NAALADL2: variants seen among roughly 807,000 people sequenced by gnomAD.
NAALADL2 encodes the protein inactive N-acetylated-alpha-linked acidic dipeptidase-like protein 2.
Under a neutral mutation model 87.2 loss-of-function variants are expected in NAALADL2, and 76 were observed. The ratio of observed to expected loss-of-function variants is 0.87; its 90% CI spans 0.72 to 1.05. The LOEUF is 1.05. Among genes scored for constraint, NAALADL2 ranks in the 50% least tolerant of loss-of-function variants. The pLI is 0.00. For missense variants in NAALADL2, 1,089 were observed against 945.8 expected (o/e 1.15, Z -1.99); for synonymous variants, 354 against 331.0 (o/e 1.07, Z -0.75).
At chr3:175,174,758 A>G (rs1735431726) in intron 2 of NAALADL2, among the ~76,000 whole-genome samples, 1 of 150,720 alleles carries the variant, frequency 6.6e-6, no homozygotes, top group South Asian at 2.1e-4. Flanking sequence ...ATATAAACAT[A>G]TATGCTATTC....
intron 13 of NAALADL2, among the ~76,000 whole-genome samples, chr3:175,773,823 A>G (rs1413094759): frequency 6.6e-6 from 1 of 152,168 alleles, no homozygotes; most frequent in Non-Finnish European, 1.5e-5. Flanking sequence ...CTGATTGAAA[A>G]GCAATGAGTT....
chr3:175,296,212 C>T (rs1756358252), intron 4 of NAALADL2, among the ~76,000 whole-genome samples: 1 of 151,012 alleles, frequency 6.6e-6, no homozygotes, highest in South Asian at 2.1e-4. Flanking sequence ...GCCATAATGA[C>T]TAGGAGGTGC....
rs145982338 is a variant in NAALADL2, at chr3:175,237,702, G to A, written c.819+3498G>A. On this transcript the variant is annotated intron_variant, in intron 3 of 13. Coordinates refer to ENST00000454872, the MANE Select transcript of NAALADL2 (RefSeq NM_207015.3). ...ATAGAGGACACAAAAGAAGAAGCCG[G>A]TTTACTTAAAAACACTATATTTTAA... 2.3e-3 allele frequency among the ~76,000 whole-genome samples: 344 copies of A among 152,080 alleles called. 1 individual carries two copies. The highest frequency in any genetic ancestry group is 4.0e-3 in the Non-Finnish European group (273 of 67,964).
At chr3:175,236,296 CA>C (rs1202472012) in intron 3 of NAALADL2, among the ~76,000 whole-genome samples, 1 of 152,008 alleles carries the variant, frequency 6.6e-6, no homozygotes, top group Non-Finnish European at 1.5e-5. Flanking sequence ...GCCGTAATCC[CA>C]GCACATTGGA....
intron 5 of NAALADL2, among the ~76,000 whole-genome samples, chr3:175,342,998 G>A (rs1165090158): frequency 6.6e-6 from 1 of 151,986 alleles, no homozygotes; most frequent in Non-Finnish European, 1.5e-5. Context: ...AGTTTTAAAA[G>A]TTTAAAAACA....
intron 1 of NAALADL2, among the ~76,000 whole-genome samples, chr3:175,013,365 C>T (rs1262777563): frequency 8.4e-6 from 1 of 118,398 alleles, no homozygotes; most frequent in African/African-American, 3.4e-5. Flanking sequence ...GTGGTGTGAT[C>T]TCGGCTCATT....
chr3:174,929,581 A>G (rs1176388900), intron 1 of NAALADL2, among the ~76,000 whole-genome samples: 1 of 152,138 alleles, frequency 6.6e-6, no homozygotes, highest in African/African-American at 2.4e-5. Flanking sequence ...GATACATATT[A>G]TTATGAAAAT....
chr3:174,966,857 A>G (rs1011180799), intron 1 of NAALADL2, among the ~76,000 whole-genome samples: 2 of 152,150 alleles, frequency 1.3e-5, no homozygotes, highest in East Asian at 3.9e-4. Context: ...AGAAATTGAG[A>G]CGATCTGAAT....
chr3:175,441,425 GA>G (rs1215559902), intron 5 of NAALADL2, among the ~76,000 whole-genome samples: 1 of 152,126 alleles, frequency 6.6e-6, no homozygotes, highest in Non-Finnish European at 1.5e-5. Context: ...AGGGCTCCCA[GA>G]ACCGATTGCT....
At chr3:175,013,644 G>A (rs72622548) in intron 1 of NAALADL2, among the ~76,000 whole-genome samples, 1 of 151,826 alleles carries the variant, frequency 6.6e-6, no homozygotes, top group Non-Finnish European at 1.5e-5. Flanking sequence ...TAATTCTTAT[G>A]ATAGCTCTCT....
At chr3:174,526,701 A>T in intron 1 of NAALADL2, among the ~76,000 whole-genome samples, 1 of 144,014 alleles carries the variant, frequency 6.9e-6, no homozygotes. Context: ...TTTGAGATGG[A>T]GTCTCATTCT....
At chr3:175,759,694 G>A (rs930881366) in intron 13 of NAALADL2, among the ~76,000 whole-genome samples, 4 of 152,154 alleles carry the variant, frequency 2.6e-5, no homozygotes, top group Non-Finnish European at 5.9e-5. Context: ...ATGTATGTGG[G>A]CATGAGGGAA....
chr3:175,231,308 G>A (rs1744903769), intron 2 of NAALADL2, among the ~76,000 whole-genome samples: 1 of 151,690 alleles, frequency 6.6e-6, no homozygotes, highest in Non-Finnish European at 1.5e-5. Context: ...TCATAACCTG[G>A]GTGGTTCCTT....
At chr3:175,639,599 C>T (rs549819290) in intron 11 of NAALADL2, among the ~76,000 whole-genome samples, 29 of 152,126 alleles carry the variant, frequency 1.9e-4, no homozygotes, top group African/African-American at 5.8e-4. Flanking sequence ...GGATTACAGA[C>T]GTGAGTGTTA....
At chr3:175,627,250 C>G in intron 10 of NAALADL2, 41 bp from the exon 11 acceptor site, 1 of 1,446,058 alleles carries the variant, frequency 6.9e-7, no homozygotes, top group Non-Finnish European at 9.4e-7. Context: ...AAAACAAAAT[C>G]GATAAAGAGT....
chr3:175,486,630 T>C (rs6763187), intron 9 of NAALADL2, among the ~76,000 whole-genome samples: 56,416 of 152,058 alleles, frequency 0.37, 12,637 homozygotes, highest in African/African-American at 0.63. Flanking sequence ...GAGGCCCCAC[T>C]CGCTCTCTAG....
chr3:175,354,035 A>G (rs1014086142), intron 5 of NAALADL2, among the ~76,000 whole-genome samples: 4 of 152,138 alleles, frequency 2.6e-5, no homozygotes, highest in African/African-American at 9.7e-5. Context: ...CTTGTGTACC[A>G]CTGCAGCTTT....
At chr3:175,588,687 T>C (rs556997452) in intron 10 of NAALADL2, among the ~76,000 whole-genome samples, 46 of 152,054 alleles carry the variant, frequency 3.0e-4, no homozygotes, top group East Asian at 1.4e-3. Flanking sequence ...TACAGGTGCC[T>C]GCCACCACAC....
At chr3:175,451,910 A>G (rs539719855) in intron 6 of NAALADL2, among the ~76,000 whole-genome samples, 1 of 152,230 alleles carries the variant, frequency 6.6e-6, no homozygotes, top group Admixed American at 6.5e-5. Flanking sequence ...ACGTATTTCT[A>G]ATGCATTTTG....
Sources: gnomAD v4.1 joint callset for allele counts (sites outside exome capture counted in the v4.1 genomes callset) on GRCh38, gnomAD v4.1.1 for gene constraint, MANE v1.5 for transcripts, NCBI Gene and HGNC (gene_info 2026-07-23, HGNC 2026-07-21) for gene names.